The following LRRTM4 variants were observed in gnomAD, a reference collection of about 807,000 sequenced individuals.
LRRTM4 encodes the protein leucine-rich repeat transmembrane neuronal protein 4.
Under a neutral mutation model 47.6 loss-of-function variants are expected in LRRTM4, and 25 were observed. The observed-to-expected ratio is 0.53, with a 90% CI of 0.38 to 0.73. The LOEUF (loss-of-function observed/expected upper bound fraction) is 0.73, where lower values mean the gene tolerates loss of function less well. LRRTM4 is among the 30% of genes least tolerant of loss of function. LRRTM4 has a pLI of 0.00. For missense variants in LRRTM4, 638 were observed against 713.4 expected, an observed-to-expected ratio of 0.89 and a Z score of 1.20; for synonymous variants, 311 against 269.5, an observed-to-expected ratio of 1.15 and a Z score of -1.51.
intron 3 of LRRTM4, among the ~76,000 whole-genome samples, chr2:77,313,903 A>C (rs1016187702): frequency 2.0e-5 from 3 of 152,198 alleles, no homozygotes; most frequent in Non-Finnish European, 4.4e-5. Flanking sequence ...ATTTTCCTTA[A>C]ACAAAAATCT....
At chr2:77,150,999 T>C (rs1672403450) in intron 3 of LRRTM4, among the ~76,000 whole-genome samples, 2 of 152,144 alleles carry the variant, frequency 1.3e-5, no homozygotes, top group Non-Finnish European at 2.9e-5. Flanking sequence ...TGAGAAATAA[T>C]TGGTATACGA....
chr2:76,895,311 ACTC>A (rs1673376532), intron 3 of LRRTM4, among the ~76,000 whole-genome samples: 1 of 152,072 alleles, frequency 6.6e-6, no homozygotes, highest in African/African-American at 2.4e-5. Context: ...TAGTGAGTGT[ACTC>A]TCCAATTGCT....
At chr2:77,465,230 A>G (rs555340130) in intron 3 of LRRTM4, among the ~76,000 whole-genome samples, 1 of 152,288 alleles carries the variant, frequency 6.6e-6, no homozygotes, top group East Asian at 1.9e-4. Context: ...ATAGTGACTG[A>G]CAAAATAGCA....
At chr2:77,327,061 T>TG (rs1670802961) in intron 3 of LRRTM4, among the ~76,000 whole-genome samples, 1 of 152,160 alleles carries the variant, frequency 6.6e-6, no homozygotes, top group Non-Finnish European at 1.5e-5. Flanking sequence ...TTCTCTTCTA[T>TG]GATGGATACA....
Position 77,189,511 on chromosome 2 carries a change from T to C in LRRTM4, c.1551+328807A>G, listed in dbSNP as rs543475498. On this transcript the variant is annotated intron_variant, in intron 3 of 3. Coordinates refer to ENST00000409884, the MANE Select transcript of LRRTM4 (RefSeq NM_001134745.3). The stretch of plus-strand genomic sequence containing the variant: ...AGGATGGAGCCCTTATGAGTGGGAT[T>C]AGTGCTCTTATAAAAGAAACTCCAG... Among the ~76,000 whole-genome samples the C allele has an allele frequency of 1.2e-4, 19 of 152,228 alleles. No individual in the cohort carries two copies. In the South Asian group the frequency reaches 3.1e-3, roughly 25 times the overall value.
chr2:77,364,013 G>A (rs1042456114), intron 3 of LRRTM4, among the ~76,000 whole-genome samples: 2 of 151,910 alleles, frequency 1.3e-5, no homozygotes, highest in Non-Finnish European at 2.9e-5. Flanking sequence ...AGATAAATGA[G>A]CTGCATGTGT....
At chr2:77,026,015 G>A (rs529297344) in intron 3 of LRRTM4, among the ~76,000 whole-genome samples, 1 of 152,154 alleles carries the variant, frequency 6.6e-6, no homozygotes, top group Non-Finnish European at 1.5e-5. Flanking sequence ...GTGCAATGGG[G>A]GAACAATGAA....
At chr2:77,016,680 G>T (rs1049960659) in intron 3 of LRRTM4, among the ~76,000 whole-genome samples, 5 of 152,078 alleles carry the variant, frequency 3.3e-5, no homozygotes, top group Non-Finnish European at 7.4e-5. Context: ...ACTTCCCCCA[G>T]TAGAGGCCCC....
rs145288587 is a variant in LRRTM4 at position 76,769,799 on chromosome 2, A to G, written c.1552-20883T>C. 4.1e-3 allele frequency among the ~76,000 whole-genome samples: 619 copies of G among 152,308 alleles called. 10 individuals are homozygous for G. In the South Asian group the frequency reaches 0.05, roughly 12 times the overall value. On this transcript the variant is annotated intron_variant, in intron 3 of 3. Transcript: ENST00000409884. Reference sequence around the variant, plus strand: ...CACGGAAATTATCTACCAGAATGGAAATTGTATTTTTCATAGGAAAAATAG... The same window carrying G: ...CACGGAAATTATCTACCAGAATGGAGATTGTATTTTTCATAGGAAAAATAG...
intron 3 of LRRTM4, among the ~76,000 whole-genome samples, chr2:77,089,040 A>G (rs1680830023): frequency 6.6e-6 from 1 of 151,802 alleles, no homozygotes; most frequent in South Asian, 2.1e-4. Flanking sequence ...GTGTTTAATC[A>G]CTGCAGGGAC....
intron 3 of LRRTM4, among the ~76,000 whole-genome samples, chr2:77,218,077 C>T (rs1187559389): frequency 1.3e-5 from 2 of 152,170 alleles, no homozygotes; most frequent in African/African-American, 4.8e-5. Context: ...TCACTACAAC[C>T]TCCCCGTCTC....
chr2:77,228,701 G>C (rs1402956652), intron 3 of LRRTM4, among the ~76,000 whole-genome samples: 5 of 152,324 alleles, frequency 3.3e-5, no homozygotes, highest in African/African-American at 1.2e-4. Flanking sequence ...CCAAAGTTCT[G>C]TCAAAACATA....
chr2:77,496,666 T>C (rs1273126877), intron 3 of LRRTM4, among the ~76,000 whole-genome samples: 1 of 151,814 alleles, frequency 6.6e-6, no homozygotes, highest in Non-Finnish European at 1.5e-5. Flanking sequence ...GTTGATTTGG[T>C]AATGATTTTG....
At chr2:76,756,436 G>A (rs186210760) in intron 3 of LRRTM4, among the ~76,000 whole-genome samples, 1 of 152,018 alleles carries the variant, frequency 6.6e-6, no homozygotes. Flanking sequence ...CTTACTCAAG[G>A]CTTCTTGGGT....
intron 3 of LRRTM4, among the ~76,000 whole-genome samples, chr2:77,388,646 T>A (rs1673381189): frequency 6.6e-6 from 1 of 152,160 alleles, no homozygotes; most frequent in Non-Finnish European, 1.5e-5. Flanking sequence ...AATTAAATAG[T>A]ACTGATTCAG....
chr2:77,193,539 G>C (rs368668649), intron 3 of LRRTM4, among the ~76,000 whole-genome samples: 9 of 151,696 alleles, frequency 5.9e-5, no homozygotes, highest in African/African-American at 9.7e-5. Context: ...GCCGGGCGTA[G>C]TGGCTCACGC....
In LRRTM4 at chr2:76,835,856, TGAGTGAGAAAATTTTTCAAAATATTTTG is replaced by T. The variant is rs553147516; in HGVS notation, c.1552-86968_1552-86941del. On this transcript the variant is annotated intron_variant, in intron 3 of 3. Transcript: ENST00000409884. ...CCTATCAGAAAATAGATTATGAATA[TGAGTGAGAAAATTTTTCAAAATATTTTG>T]GAGTGAATAATCATGTGAAATCCAC... Among the ~76,000 whole-genome samples the T allele has an allele frequency of 2.6e-5, 4 of 152,132 alleles. No homozygotes were observed. The South Asian group carries it at 8.3e-4, about 32-fold the overall frequency.
intron 3 of LRRTM4, among the ~76,000 whole-genome samples, chr2:77,381,776 A>G (rs1573338480): frequency 6.6e-6 from 1 of 152,062 alleles, no homozygotes; most frequent in East Asian, 1.9e-4. Flanking sequence ...CTAGATATTT[A>G]TTCTACAGCT....
chr2:77,444,662 C>A (rs1339465074), intron 3 of LRRTM4, among the ~76,000 whole-genome samples: 4 of 151,862 alleles, frequency 2.6e-5, no homozygotes, highest in Non-Finnish European at 4.4e-5. Context: ...ATATAAAAAT[C>A]TTTTAATATT....
Sources: allele counts gnomAD v4.1 joint callset (sites outside exome capture counted in the v4.1 genomes callset), GRCh38; gene constraint gnomAD v4.1.1; transcripts MANE v1.5; gene names NCBI Gene and HGNC (gene_info 2026-07-23, HGNC 2026-07-21).